TGFBR3: variants seen among roughly 807,000 people sequenced by gnomAD.
TGFBR3 encodes the protein transforming growth factor beta receptor type 3.
A neutral mutation model predicts 87.9 loss-of-function variants in TGFBR3; 46 were observed. The observed-to-expected ratio is 0.52, with a 90% CI of 0.41 to 0.67. The LOEUF (loss-of-function observed/expected upper bound fraction) is 0.67. Among genes scored for constraint, TGFBR3 ranks in the 30% least tolerant of loss-of-function variants. The pLI, the probability that TGFBR3 is intolerant of heterozygous loss-of-function variation, is 0.00. For missense variants in TGFBR3, 866 were observed against 1,041.9 expected (o/e 0.83, Z 2.32); for synonymous variants, 381 against 391.6 (o/e 0.97, Z 0.32).
chr1:91,848,837 G>T (rs960456633), intron 2 of TGFBR3, among the ~76,000 whole-genome samples: 1 of 152,154 alleles, frequency 6.6e-6, no homozygotes, highest in African/African-American at 2.4e-5. Context: ...GAGGGTTTAG[G>T]CTATTAAGAC....
At chr1:91,793,424 C>T (rs1261828368) in intron 3 of TGFBR3, among the ~76,000 whole-genome samples, 2 of 152,160 alleles carry the variant, frequency 1.3e-5, no homozygotes, top group Non-Finnish European at 2.9e-5. Context: ...CAGTCATAGT[C>T]AATTACAGCT....
chr1:91,743,445 C>T (rs1448591495), intron 4 of TGFBR3, among the ~76,000 whole-genome samples: 2 of 152,136 alleles, frequency 1.3e-5, no homozygotes, highest in Admixed American at 6.5e-5. Flanking sequence ...CAAATGTTAC[C>T]TTCTCAATGG....
intron 3 of TGFBR3, chr1:91,786,080 A>C (rs1214458130): frequency 5.3e-6 from 2 of 380,428 alleles, no homozygotes; most frequent in African/African-American, 2.1e-5. Flanking sequence ...AAATTTTTAA[A>C]ATATATTAGT....
rs746465873 is a variant in TGFBR3 at position 91,773,693 on chromosome 1, G to C, written c.247-14943C>G. 1.2e-3 allele frequency among the ~76,000 whole-genome samples: 186 copies of C among 152,228 alleles called. 1 individual carries two copies. Among genetic ancestry groups the C allele is most frequent in the Middle Eastern group, 3.4e-3 (1 of 294 alleles). ...CAAGACTCCATCTCAAAAAACAAAA[G>C]ATCTCTAGAAATGAATGTATCTCAA... is the stretch of plus-strand genomic sequence containing the variant. On this transcript the variant is annotated intron_variant, in intron 3 of 16. Coordinates refer to ENST00000212355, the MANE Select transcript of TGFBR3 (RefSeq NM_003243.5).
intron 2 of TGFBR3, among the ~76,000 whole-genome samples, chr1:91,806,908 G>A (rs1016674029): frequency 6.6e-6 from 1 of 152,194 alleles, no homozygotes; most frequent in Middle Eastern, 3.2e-3. Flanking sequence ...CCCATGGGAT[G>A]CAAGAATCTG....
At chr1:91,719,485 G>C in intron 9 of TGFBR3, 21 bp from the exon 10 acceptor site, 2 of 1,613,702 alleles carry the variant, frequency 1.2e-6, no homozygotes, top group Non-Finnish European at 1.7e-6. Flanking sequence ...AACCACCAAA[G>C]ACATGGTTGG....
chr1:91,734,069 G>T (rs1474240812), intron 5 of TGFBR3, among the ~76,000 whole-genome samples: 1 of 141,676 alleles, frequency 7.1e-6, no homozygotes, highest in Non-Finnish European at 1.5e-5. Context: ...AGGGAGGGAG[G>T]GAGGGAGGAA....
At chr1:91,778,502 T>C (rs1054372897) in intron 3 of TGFBR3, among the ~76,000 whole-genome samples, 26 of 152,324 alleles carry the variant, frequency 1.7e-4, no homozygotes, top group Admixed American at 3.3e-4. Flanking sequence ...CTTCTATACC[T>C]TGAAGCCTTG....
Position 91,682,404 on chromosome 1 carries a change from C to CTTTTTTTTTTTTTTTTTTT in TGFBR3, c.*1316_*1334dup. 2.9e-6 allele frequency: 1 copy of CTTTTTTTTTTTTTTTTTTT among 346,154 alleles called. No individual in the cohort carries two copies. Among genetic ancestry groups the CTTTTTTTTTTTTTTTTTTT allele is most frequent in the Non-Finnish European group, 5.4e-6 (1 of 184,294 alleles). 21.4% of individuals were successfully genotyped at this position (346,154 alleles called of 1,614,324 possible). On this transcript the variant is annotated 3_prime_UTR_variant, in exon 17 of 17. Transcript: ENST00000212355. ...AGCATGATAATTCCCCCCTGGCATTCTTTTTTTTTTTTTTTTTTTTTAACA... is the reference window on the plus strand; with the variant it reads ...AGCATGATAATTCCCCCCTGGCATTCTTTTTTTTTTTTTTTTTTTTTTTTTTTTTTTTTTTTTTTTAACA...
intron 2 of TGFBR3, among the ~76,000 whole-genome samples, chr1:91,898,276 A>G (rs1679595559): frequency 6.6e-6 from 1 of 152,162 alleles, no homozygotes; most frequent in African/African-American, 2.4e-5. Context: ...GTGCATTTAA[A>G]AAGACAGAAC....
chr1:91,830,967 G>C (rs568903787), intron 2 of TGFBR3, among the ~76,000 whole-genome samples: 21 of 152,188 alleles, frequency 1.4e-4, no homozygotes, highest in African/African-American at 5.1e-4. Flanking sequence ...CTCCCACCCA[G>C]TACACACAGG....
chr1:91,742,624 A>G (rs1179864573), intron 4 of TGFBR3, among the ~76,000 whole-genome samples: 1 of 152,180 alleles, frequency 6.6e-6, no homozygotes, highest in African/African-American at 2.4e-5. Flanking sequence ...TTAAAACCCA[A>G]TCCTCTAACA....
intron 2 of TGFBR3, among the ~76,000 whole-genome samples, chr1:91,852,245 C>T (rs1677764313): frequency 6.6e-6 from 1 of 151,172 alleles, no homozygotes; most frequent in Non-Finnish European, 1.5e-5. Flanking sequence ...GACCCTGTCT[C>T]AGGGAAAAAA....
At chr1:91,874,753 A>G (rs1474209076) in intron 1 of TGFBR3, among the ~76,000 whole-genome samples, 2 of 152,050 alleles carry the variant, frequency 1.3e-5, no homozygotes, top group East Asian at 1.9e-4. Context: ...TCAGCCTCCC[A>G]AAGTGCTGGG....
At chr1:91,820,547 G>A (rs367926446) in intron 2 of TGFBR3, among the ~76,000 whole-genome samples, 1 of 152,056 alleles carries the variant, frequency 6.6e-6, no homozygotes, top group South Asian at 2.1e-4. Flanking sequence ...TTAGCTGGGC[G>A]GGGTGGCGGG....
chr1:91,833,748 C>T (rs954317271), intron 2 of TGFBR3, among the ~76,000 whole-genome samples: 6 of 151,128 alleles, frequency 4.0e-5, no homozygotes, highest in African/African-American at 1.5e-4. Flanking sequence ...CTACTGCAGT[C>T]CAGCCTGGGT....
At chr1:91,729,672 C>T (rs761322781) in intron 6 of TGFBR3, 133 bp downstream of exon 6, 6 of 1,015,962 alleles carry the variant, frequency 5.9e-6, no homozygotes, top group East Asian at 2.4e-5. Context: ...TTCCCTCCTG[C>T]GTGAAGCATC....
At chr1:91,863,594 G>A (rs1031903832) in intron 1 of TGFBR3, among the ~76,000 whole-genome samples, 1 of 152,188 alleles carries the variant, frequency 6.6e-6, no homozygotes, top group Non-Finnish European at 1.5e-5. Context: ...ATAAAGTGGA[G>A]AAATTAAGAT....
At chr1:91,886,729 T>C (rs1472023700), upstream of TGFBR3, among the ~76,000 whole-genome samples, 15 of 152,116 alleles carry the variant, frequency 9.9e-5, no homozygotes, top group Admixed American at 9.2e-4. Flanking sequence ...CACGCTCTGA[T>C]GGTGGGCGCC....
Sources: allele counts gnomAD v4.1 joint callset (sites outside exome capture counted in the v4.1 genomes callset), GRCh38; gene constraint gnomAD v4.1.1; transcripts MANE v1.5; gene names NCBI Gene and HGNC (gene_info 2026-07-23, HGNC 2026-07-21).